The following LRP1B variants were observed in gnomAD, a reference collection of about 807,000 sequenced individuals.
The protein encoded by LRP1B is LDL receptor related protein 1B, also known as low-density lipoprotein receptor-related protein 1B.
LRP1B carries 217 observed loss-of-function variants against 556.6 expected under a neutral mutation model. The ratio of observed to expected loss-of-function variants is 0.39; its 90% CI spans 0.35 to 0.44. LRP1B has a LOEUF of 0.44. LRP1B is among the 20% of genes least tolerant of loss of function. The probability of loss-of-function intolerance (pLI) is 1.00; values close to 1 mark genes in which losing one functional copy is unlikely to be tolerated. For synonymous variants in LRP1B, 2,047 were observed against 1,865.8 expected, an observed-to-expected ratio of 1.10 and a Z score of -2.50; for missense variants, 5,053 against 5,620.8, an observed-to-expected ratio of 0.90 and a Z score of 3.23.
intron 3 of LRP1B, among the ~76,000 whole-genome samples, chr2:141,285,137 G>A (rs1420493399): frequency 3.6e-5 from 5 of 140,206 alleles, no homozygotes; most frequent in African/African-American, 5.4e-5. Flanking sequence ...TTGCACTGTC[G>A]CCCAGACTGG....
chr2:140,621,310 C>T (rs1683443837), intron 41 of LRP1B, among the ~76,000 whole-genome samples: 1 of 145,494 alleles, frequency 6.9e-6, no homozygotes, highest in Non-Finnish European at 1.5e-5. Flanking sequence ...GGCATGAACT[C>T]AGGAGCAGAG....
chr2:142,046,068 T>C (rs1704247598), intron 1 of LRP1B, among the ~76,000 whole-genome samples: 1 of 151,926 alleles, frequency 6.6e-6, no homozygotes, highest in East Asian at 1.9e-4. Context: ...CGCTAATTGA[T>C]ATGAATAAAA....
chr2:141,988,302 T>C (rs1411511240), intron 1 of LRP1B, among the ~76,000 whole-genome samples: 2 of 151,888 alleles, frequency 1.3e-5, no homozygotes, highest in Non-Finnish European at 2.9e-5. Flanking sequence ...TTGTGTGTTC[T>C]CTTTATTCTC....
intron 2 of LRP1B, among the ~76,000 whole-genome samples, chr2:141,781,405 T>C (rs1165329944): frequency 6.6e-6 from 1 of 152,222 alleles, no homozygotes; most frequent in East Asian, 1.9e-4. Context: ...TAACTACTTT[T>C]GCTTTTTACT....
chr2:142,120,608 T>C (rs1363498668), intron 1 of LRP1B, among the ~76,000 whole-genome samples: 1 of 152,220 alleles, frequency 6.6e-6, no homozygotes, highest in Non-Finnish European at 1.5e-5. Flanking sequence ...TGCAAATTTC[T>C]TCAACAAACA....
intron 2 of LRP1B, among the ~76,000 whole-genome samples, chr2:141,551,011 A>G (rs1685731382): frequency 6.6e-6 from 1 of 152,128 alleles, no homozygotes; most frequent in Non-Finnish European, 1.5e-5. Flanking sequence ...AATACTGAAT[A>G]AGTACATTTT....
chr2:141,274,153 A>G (rs1439792996), intron 3 of LRP1B, among the ~76,000 whole-genome samples: 1 of 152,178 alleles, frequency 6.6e-6, no homozygotes, highest in Non-Finnish European at 1.5e-5. Context: ...CCATGTTGGC[A>G]GTTCTTCAAA....
At chr2:141,948,626 C>T (rs1487638129) in intron 1 of LRP1B, among the ~76,000 whole-genome samples, 1 of 151,812 alleles carries the variant, frequency 6.6e-6, no homozygotes, top group Non-Finnish European at 1.5e-5. Context: ...TCTTGATGAG[C>T]ATTGAAGCCA....
intron 43 of LRP1B, among the ~76,000 whole-genome samples, chr2:140,548,015 A>C (rs1014444666): frequency 2.0e-5 from 3 of 152,054 alleles, no homozygotes; most frequent in Non-Finnish European, 2.9e-5. Flanking sequence ...AATGGTAATC[A>C]AGAAATAAAT....
At chr2:141,839,875 T>C (rs1355028383) in intron 1 of LRP1B, among the ~76,000 whole-genome samples, 8 of 152,146 alleles carry the variant, frequency 5.3e-5, no homozygotes. Flanking sequence ...CCACAACTAA[T>C]AAAATGTATC....
chr2:140,968,780 G>T (rs1307883176), intron 18 of LRP1B, among the ~76,000 whole-genome samples: 2 of 152,050 alleles, frequency 1.3e-5, no homozygotes, highest in African/African-American at 2.4e-5. Flanking sequence ...CCTTCATTTC[G>T]TTATGTACCT....
At chr2:140,307,293 T>C (rs577211438) in intron 83 of LRP1B, among the ~76,000 whole-genome samples, 17 of 152,016 alleles carry the variant, frequency 1.1e-4, no homozygotes, top group African/African-American at 3.6e-4. Flanking sequence ...GTAAAACACA[T>C]GGCACAATGC....
rs1204829412 is a variant in LRP1B at position 140,595,087 on chromosome 2, A to AATATATCTATATATATAT, written c.7194+3543_7194+3544insATATATATATAGATATAT. On this transcript the variant is annotated intron_variant, in intron 43 of 90. Transcript: ENST00000389484. ...CTACTTAAAAATAAAATATAAATTG[A>AATATATCTATATATATAT]ATATATATATATATATATATATATA... is the stretch of plus-strand genomic sequence containing the variant. Among the ~76,000 whole-genome samples the AATATATCTATATATATAT allele has an allele frequency of 5.0e-5, 5 of 99,678 alleles. 2 individuals are homozygous for AATATATCTATATATATAT. The highest frequency in any genetic ancestry group is 1.3e-4 in the African/African-American group (4 of 29,800). 65.4% of individuals were successfully genotyped at this position (99,678 alleles called of 152,430 possible). A position where few individuals can be genotyped will look rare whatever the true frequency, so the allele number is the denominator to read the frequency against.
At chr2:140,633,070 AG>A (rs373351106) in intron 41 of LRP1B, among the ~76,000 whole-genome samples, 2,803 of 149,818 alleles carry the variant, frequency 0.019, 86 homozygotes, top group African/African-American at 0.065. Context: ...CTCAAAAAAA[AG>A]AAAAAAAAAA....
At chr2:141,510,233 C>CACAG (rs1684076362) in intron 2 of LRP1B, among the ~76,000 whole-genome samples, 2 of 148,602 alleles carry the variant, frequency 1.3e-5, no homozygotes, top group South Asian at 4.2e-4. Context: ...CACACACACA[C>CACAG]ACCCCCCACA....
At chr2:141,901,023 G>T (rs1183229451) in intron 1 of LRP1B, among the ~76,000 whole-genome samples, 1 of 151,918 alleles carries the variant, frequency 6.6e-6, no homozygotes, top group African/African-American at 2.4e-5. Context: ...AAGTGTAAAG[G>T]TGGTCAGAAA....
chr2:141,283,541 A>T (rs971893257), intron 3 of LRP1B, among the ~76,000 whole-genome samples: 2 of 152,156 alleles, frequency 1.3e-5, no homozygotes, highest in Middle Eastern at 6.8e-3. Flanking sequence ...AAACTGACAT[A>T]GATTAGACAT....
chr2:140,682,951 CAT>C (rs1685915613), intron 41 of LRP1B, among the ~76,000 whole-genome samples: 1 of 152,040 alleles, frequency 6.6e-6, no homozygotes. Context: ...CTGAGTAGCT[CAT>C]ATATGCAAAT....
intron 82 of LRP1B, among the ~76,000 whole-genome samples, chr2:140,316,812 CATATACACAA>C (rs1263808625): frequency 1.3e-5 from 2 of 152,086 alleles, no homozygotes; most frequent in Admixed American, 6.6e-5. Flanking sequence ...ACCATACACA[CATATACACAA>C]ATGAAAATTT....
Sources: gnomAD v4.1 joint callset for allele counts (sites outside exome capture counted in the v4.1 genomes callset) on GRCh38, gnomAD v4.1.1 for gene constraint, MANE v1.5 for transcripts, NCBI Gene and HGNC (gene_info 2026-07-23, HGNC 2026-07-21) for gene names.